ZBTB17: variants seen among roughly 807,000 people sequenced by gnomAD.
ZBTB17 encodes zinc finger and BTB domain containing 17, also known as zinc finger and BTB domain-containing protein 17.
ZBTB17 carries 24 observed loss-of-function variants against 85.1 expected under a neutral mutation model. That is an observed-to-expected ratio of 0.28 (90% CI 0.20 to 0.40). The LOEUF (loss-of-function observed/expected upper bound fraction) is 0.40. ZBTB17 is among the 10% of genes least tolerant of loss of function. ZBTB17 has a pLI of 1.00. For synonymous variants in ZBTB17, 464 were observed against 460.2 expected, an observed-to-expected ratio of 1.01 and a Z score of -0.11; for missense variants, 743 against 1,105.1, an observed-to-expected ratio of 0.67 and a Z score of 4.65.
Position 15,964,907 on chromosome 1 carries a change from A to G in ZBTB17, c.-3+8132T>C, listed in dbSNP as rs1281912053. ...GAGATGGGTGGATCATGAGGTCAGG[A>G]GTTCAAGACCAGCCTGGCCAAGATG... On this transcript the variant is annotated intron_variant, in intron 2 of 15. Transcript: ENST00000375743. The surrounding 1 kb of genome is among the most constrained non-coding windows in gnomAD (Gnocchi z 4.3). Among the ~76,000 whole-genome samples, 1 of 152,100 alleles carries G rather than the reference A, an allele frequency of 6.6e-6. No individual in the cohort carries two copies. Among genetic ancestry groups the G allele is most frequent in the African/African-American group, 2.4e-5 (1 of 41,420 alleles).
chr1:15,948,573 C>T, intron 2 of ZBTB17, 76 bp from the exon 3 acceptor site: 1 of 1,444,272 alleles, frequency 6.9e-7, no homozygotes, highest in Non-Finnish European at 9.5e-7. Flanking sequence ...CTCCTAAAGT[C>T]CCAGGCGAGC....
rs758839994 is a variant in ZBTB17 at position 15,951,552 on chromosome 1, C to A, written c.-2-3055G>T. On this transcript the variant is annotated intron_variant, in intron 2 of 15. Coordinates refer to ENST00000375743, the MANE Select transcript of ZBTB17 (RefSeq NM_003443.3). This position sits in a 1 kb window ranked among gnomAD's most constrained non-coding sequence, Gnocchi z 4.1. Reference sequence around the variant, plus strand: ...CAAGTGGAGCTCAGGGTCCCCCAGGCTGTTCCCCAGCCGGGAAGCTTTAAC... The same window carrying A: ...CAAGTGGAGCTCAGGGTCCCCCAGGATGTTCCCCAGCCGGGAAGCTTTAAC... Among the ~76,000 whole-genome samples, 43 of 152,184 alleles carry A rather than the reference C, an allele frequency of 2.8e-4. No homozygotes were observed. Among genetic ancestry groups the A allele is most frequent in the Non-Finnish European group, 5.7e-4 (39 of 68,024 alleles).
chr1:15,943,482 G>A lies in ZBTB17; in HGVS notation c.1614C>T (p.Ala538=). ...CGATGAGGGAGCTGGCCTGGGTGAA[G>A]GCCTTACCGCACATCACACACTGGC... ...KPCQCVMCGK[A]FTQASSLIAH... is the part of the protein sequence containing the mutation. Residue 538 remains alanine (A), a synonymous_variant, in exon 12 of 16, where the codon GCC becomes GCT. Transcript: ENST00000375743. 1.2e-6 allele frequency: 2 copies of A among 1,611,430 alleles called. No homozygotes were observed. Among genetic ancestry groups the A allele is most frequent in the Non-Finnish European group, 1.7e-6 (2 of 1,178,402 alleles).
chr1:15,946,290 C>A lies in ZBTB17; in HGVS notation c.399G>T (p.Gly133=), dbSNP rs763573425. 6.2e-7 allele frequency: 1 copy of A among 1,612,604 alleles called. No homozygotes were observed. Among genetic ancestry groups the A allele is most frequent in the African/African-American group, 1.3e-5 (1 of 75,042 alleles). Residue 133 remains glycine, a synonymous_variant, in exon 5 of 16, where the codon GGG becomes GGT. Transcript: ENST00000375743. ...CCTTCTCCTCTTTGGCTCTCTTGTC[C>A]CCTCCTGGAGATGGAACAGGGCAGA... ...GNAEALATEG[G]DKRAKEEKVA...
chr1:15,963,846 C>G (rs1160623152), intron 2 of ZBTB17, among the ~76,000 whole-genome samples: 2 of 152,082 alleles, frequency 1.3e-5, no homozygotes, highest in Non-Finnish European at 2.9e-5. Flanking sequence ...TGGCTCACAC[C>G]TCTAATCCTA....
chr1:15,949,103 C>T (rs543186772), intron 2 of ZBTB17, among the ~76,000 whole-genome samples: 1 of 152,148 alleles, frequency 6.6e-6, no homozygotes, highest in African/African-American at 2.4e-5. Context: ...TGGGAACTAC[C>T]TAGAGTTGCG....
chr1:15,968,072 C>G (rs953812789), intron 2 of ZBTB17, among the ~76,000 whole-genome samples: 6 of 152,162 alleles, frequency 3.9e-5, no homozygotes, highest in African/African-American at 7.2e-5. Flanking sequence ...ACCCACCCCC[C>G]ACAACAAAGA....
intron 2 of ZBTB17, among the ~76,000 whole-genome samples, chr1:15,954,783 G>A (rs571323849): frequency 2.6e-5 from 4 of 152,284 alleles, no homozygotes; most frequent in South Asian, 2.1e-4. Flanking sequence ...CCAGGAGGTC[G>A]AGGCTGCAGT....
Position 15,964,991 on chromosome 1 carries a change from G to A in ZBTB17, c.-3+8048C>T, listed in dbSNP as rs1452665813. ...TAGCCAGGCGTGGTGGCACGCATCT[G>A]TAATCCCAGCTACTCAGGAGGCTGA... is the stretch of plus-strand genomic sequence containing the variant. On this transcript the variant is annotated intron_variant, in intron 2 of 15. Transcript: ENST00000375743. This position sits in a 1 kb window ranked among gnomAD's most constrained non-coding sequence, Gnocchi z 4.3. Among the ~76,000 whole-genome samples the A allele has an allele frequency of 6.6e-6, 1 of 151,862 alleles. No homozygotes were observed. The highest frequency in any genetic ancestry group is 2.4e-5 in the African/African-American group (1 of 41,352).
At chr1:15,944,624 A>G (rs2071511523) in intron 8 of ZBTB17, 24 bp from the exon 9 acceptor site, 1 of 1,599,940 alleles carries the variant, frequency 6.3e-7, no homozygotes, top group Non-Finnish European at 8.5e-7. Context: ...AGGCGACAGG[A>G]GGCAGGGCTC....
In ZBTB17 at chr1:15,973,988, G is replaced by C. The variant is rs983301188; in HGVS notation, c.-89-863C>G. Among the ~76,000 whole-genome samples, 2 of 152,000 alleles carry C rather than the reference G, an allele frequency of 1.3e-5. No individual in the cohort carries two copies. The highest frequency in any genetic ancestry group is 2.9e-5 in the Non-Finnish European group (2 of 68,000). ...GAGGATCATTTGAGGCCAAGAGTTC[G>C]AGACCAGTCTGGGCAACATAGTGAG... On this transcript the variant is annotated intron_variant, in intron 1 of 15. Coordinates refer to ENST00000375743, the MANE Select transcript of ZBTB17 (RefSeq NM_003443.3). The surrounding 1 kb of genome is among the most constrained non-coding windows in gnomAD (Gnocchi z 4.1).
chr1:15,948,201 C>T, intron 3 of ZBTB17, 90 bp downstream of exon 3: 1 of 1,493,216 alleles, frequency 6.7e-7, no homozygotes, highest in East Asian at 2.3e-5. Flanking sequence ...CCACAGCCTG[C>T]AGGTGCTGCC....
intron 10 of ZBTB17, 23 bp from the exon 11 acceptor site, chr1:15,943,738 C>A (rs1212084662): frequency 1.9e-6 from 3 of 1,612,946 alleles, no homozygotes; most frequent in Non-Finnish European, 2.5e-6. Context: ...CGAGGGCGAA[C>A]CTGGCGTGGG....
At chr1:15,974,115 C>G (rs2072769390) in intron 1 of ZBTB17, among the ~76,000 whole-genome samples, 1 of 150,146 alleles carries the variant, frequency 6.7e-6, no homozygotes, top group Non-Finnish European at 1.5e-5. Context: ...CACTTGAGTT[C>G]AGATCAAGGC....
At chr1:15,968,068 C>A (rs1338172595) in intron 2 of ZBTB17, among the ~76,000 whole-genome samples, 1 of 152,074 alleles carries the variant, frequency 6.6e-6, no homozygotes, top group Non-Finnish European at 1.5e-5. Flanking sequence ...AGAAACCCAC[C>A]CCCCACAACA....
At chr1:15,955,734 T>C (rs896371265) in intron 2 of ZBTB17, among the ~76,000 whole-genome samples, 2 of 152,150 alleles carry the variant, frequency 1.3e-5, no homozygotes, top group African/African-American at 4.8e-5. Flanking sequence ...AGGATCACTT[T>C]AAAGAGGCCA....
chr1:15,945,231 G>A, intron 6 of ZBTB17, 29 bp from the exon 7 acceptor site: 10 of 1,547,934 alleles, frequency 6.5e-6, no homozygotes, highest in Non-Finnish European at 7.9e-6. Flanking sequence ...GCATGGAGGC[G>A]GCAGCCCTCT....
intron 5 of ZBTB17, 44 bp from the exon 6 acceptor site, chr1:15,945,884 C>A: frequency 6.4e-7 from 1 of 1,569,684 alleles, no homozygotes; most frequent in Non-Finnish European, 8.6e-7. Context: ...ACCCTCTGCC[C>A]AGGGGTCGGA....
At chr1:15,958,221 G>A (rs2072119502) in intron 2 of ZBTB17, among the ~76,000 whole-genome samples, 1 of 152,112 alleles carries the variant, frequency 6.6e-6, no homozygotes, top group Non-Finnish European at 1.5e-5. Flanking sequence ...CTCTAACACA[G>A]CTCTGTGACT....
Sources: gnomAD v4.1 joint callset for allele counts (sites outside exome capture counted in the v4.1 genomes callset) on GRCh38, gnomAD v4.1.1 for gene constraint, Gnocchi (gnomAD v3.1) non-coding constraint, MANE v1.5 for transcripts, NCBI Gene and HGNC (gene_info 2026-07-23, HGNC 2026-07-21) for gene names.